ALG1L2: variants seen among roughly 807,000 people sequenced by gnomAD.
The protein encoded by ALG1L2 is ALG1 chitobiosyldiphosphodolichol beta-mannosyltransferase like 2, also known as putative glycosyltransferase ALG1L2.
ALG1L2 carries 32 observed loss-of-function variants against 29.0 expected under a neutral mutation model. The ratio of observed to expected loss-of-function variants is 1.10; its 90% CI spans 0.83 to 1.48. The LOEUF is 1.48. ALG1L2 is among the 40% of genes most tolerant of loss of function. The pLI is 0.00. For synonymous variants in ALG1L2, 110 were observed against 109.5 expected (o/e 1.00, Z -0.03); for missense variants, 318 against 274.1 (o/e 1.16, Z -1.13).
intron 1 of ALG1L2, among the ~76,000 whole-genome samples, chr3:130,089,867 CCT>C (rs1934975164): frequency 6.6e-6 from 1 of 152,280 alleles, no homozygotes; most frequent in African/African-American, 2.4e-5. Flanking sequence ...ATGGTGAAAC[CCT>C]GTCTCTACTT....
In ALG1L2 at chr3:130,096,648, G is replaced by C. The variant is rs368804737; in HGVS notation, c.539+485G>C. On this transcript the variant is annotated intron_variant, in intron 6 of 7. Transcript: ENST00000425059. Reference sequence around the variant, plus strand: ...GCCTCACTCCACCCAGCATAGACGGGTGTTTGGAAGGGTGGAGTTAGAGGA... The same window carrying C: ...GCCTCACTCCACCCAGCATAGACGGCTGTTTGGAAGGGTGGAGTTAGAGGA... Among the ~76,000 whole-genome samples, 849 of 152,272 alleles carry C rather than the reference G, an allele frequency of 5.6e-3. 3 individuals carry two copies. The highest frequency in any genetic ancestry group is 8.5e-3 in the South Asian group (41 of 4,828).
rs1934795356 is a variant in ALG1L2 at position 130,082,014 on chromosome 3, G to C, written c.-3G>C. 6.6e-7 allele frequency: 1 copy of C among 1,505,864 alleles called. No homozygotes were observed. The highest frequency in any genetic ancestry group is 1.4e-5 in the African/African-American group (1 of 72,782). 93.3% of individuals were successfully genotyped at this position (1,505,864 alleles called of 1,614,324 possible). A position where few individuals can be genotyped will look rare whatever the true frequency, so the allele number is the denominator to read the frequency against. On this transcript the variant is annotated 5_prime_UTR_variant, in exon 1 of 8. Coordinates refer to ENST00000425059, the MANE Select transcript of ALG1L2 (RefSeq NM_001136152.1). ...AGAAGTCTGAATTTTAACCTGAAGG[G>C]ACATGGGAGCTACTGCAGGCTGGTA...
At chr3:130,096,510 G>A (rs922294723) in intron 6 of ALG1L2, among the ~76,000 whole-genome samples, 18 of 151,994 alleles carry the variant, frequency 1.2e-4, no homozygotes, top group Middle Eastern at 6.9e-3. Context: ...TAGAATTGGC[G>A]GGAATTGCCT....
intron 1 of ALG1L2, among the ~76,000 whole-genome samples, chr3:130,088,707 T>C (rs1934945783): frequency 6.6e-6 from 1 of 152,396 alleles, no homozygotes. Context: ...TGTGAGTCAC[T>C]GTTCCCTGCC....
rs181019462 is a variant in ALG1L2 at position 130,091,360 on chromosome 3, G to T, written c.120G>T (p.Pro40=). The part of the protein sequence containing the change: ...LFMKLGSTHS[P]FRARSEPEDP... Reference sequence around the variant, plus strand: ...TGAAGCTGGGCAGCACGCACTCTCCGTTCAGGGCCCGGTAGGCCTCCCACC... The same window carrying T: ...TGAAGCTGGGCAGCACGCACTCTCCTTTCAGGGCCCGGTAGGCCTCCCACC... The change falls in exon 2 of 8, where the codon CCG becomes CCT. Residue 40 remains proline, a synonymous_variant. Coordinates refer to ENST00000425059, the MANE Select transcript of ALG1L2 (RefSeq NM_001136152.1). 6.3e-7 allele frequency: 1 copy of T among 1,596,964 alleles called. No homozygotes were observed.
At chr3:130,088,223 C>T (rs1405207148) in intron 1 of ALG1L2, among the ~76,000 whole-genome samples, 1 of 152,290 alleles carries the variant, frequency 6.6e-6, no homozygotes, top group South Asian at 2.1e-4. Flanking sequence ...GCCTCAGTGG[C>T]CAATATGCAT....
Position 130,081,898 on chromosome 3 carries a change from G to T in ALG1L2, c.-119G>T. On this transcript the variant is annotated 5_prime_UTR_variant, in exon 1 of 8. In the 5' UTR this introduces an upstream ATG that the reference lacks. Coordinates refer to ENST00000425059, the MANE Select transcript of ALG1L2 (RefSeq NM_001136152.1). ...CAAGTAGCAGAGACAGGTGTGCAAA[G>T]GCTCAGAGGGAGCTTCTCCAGGATC... 4 of 1,309,094 alleles carry T rather than the reference G, an allele frequency of 3.1e-6. No homozygotes were observed. The highest frequency in any genetic ancestry group is 5.0e-5 in the East Asian group (2 of 39,908). 81.1% of individuals were successfully genotyped at this position (1,309,094 alleles called of 1,614,324 possible).
intron 1 of ALG1L2, among the ~76,000 whole-genome samples, chr3:130,083,962 T>C (rs1269304167): frequency 6.6e-6 from 1 of 151,430 alleles, no homozygotes; most frequent in Non-Finnish European, 1.5e-5. Flanking sequence ...GGTGGTACTG[T>C]TGGCTGGGAA....
intron 1 of ALG1L2, chr3:130,089,337 C>T (rs1261580662): frequency 1.3e-5 from 2 of 152,360 alleles, no homozygotes; most frequent in Non-Finnish European, 2.9e-5. Flanking sequence ...CAGGTGCCCC[C>T]CTCTGCCCTG....
rs1386590345 is a variant in ALG1L2 at position 130,091,378 on chromosome 3, C to A, written c.131+7C>A. The A allele has an allele frequency of 4.4e-6, 7 of 1,595,776 alleles. No individual in the cohort carries two copies. Among genetic ancestry groups the A allele is most frequent in the African/African-American group, 2.7e-5 (2 of 74,822 alleles). The stretch of plus-strand genomic sequence containing the variant: ...ACTCTCCGTTCAGGGCCCGGTAGGC[C>A]TCCCACCCTCAGCTGCCTTCTCTCC... On this transcript the variant is annotated splice_region_variant and intron_variant, in intron 2 of 7. Coordinates refer to ENST00000425059, the MANE Select transcript of ALG1L2 (RefSeq NM_001136152.1).
intron 5 of ALG1L2, among the ~76,000 whole-genome samples, chr3:130,094,951 G>T (rs1022536264): frequency 2.0e-5 from 3 of 152,178 alleles, no homozygotes; most frequent in East Asian, 3.9e-4. Context: ...GTCGTGGCTT[G>T]TTCCTGATGC....
At chr3:130,087,524 G>C (rs1357145232) in intron 1 of ALG1L2, among the ~76,000 whole-genome samples, 4 of 149,326 alleles carry the variant, frequency 2.7e-5, no homozygotes, top group Non-Finnish European at 6.0e-5. Flanking sequence ...ATTGTAGCAG[G>C]GTTAGTTTCC....
At chr3:130,082,433 A>G (rs370045644) in intron 1 of ALG1L2, among the ~76,000 whole-genome samples, 14,102 of 57,412 alleles carry the variant, frequency 0.25, 256 homozygotes, top group Middle Eastern at 0.43. Flanking sequence ...CACCTCCCAG[A>G]CTCAAGTGAT....
chr3:130,095,845 G>A (rs9812980), intron 5 of ALG1L2, among the ~76,000 whole-genome samples: 93,357 of 152,028 alleles, frequency 0.61, 29,484 homozygotes, highest in Middle Eastern at 0.76. Context: ...TTGTGGTTAC[G>A]TAGAAAAAGT....
rs542981371 is a variant in ALG1L2 at position 130,084,283 on chromosome 3, C to A, written c.20+2247C>A. Reference sequence around the variant, plus strand: ...GATCAGTCTGCACAACATAGCGAGACCCCATTTCCCCCCCTCAAAAAAAAT... The same window carrying A: ...GATCAGTCTGCACAACATAGCGAGAACCCATTTCCCCCCCTCAAAAAAAAT... On this transcript the variant is annotated intron_variant, in intron 1 of 7. Transcript: ENST00000425059. Among the ~76,000 whole-genome samples the A allele has an allele frequency of 5.7e-4, 79 of 138,404 alleles. 1 individual carries two copies. The highest frequency in any genetic ancestry group is 1.8e-3 in the African/African-American group (74 of 40,030). The allele number at this position is 138,404 out of a possible 152,430, so 90.8% of individuals were successfully genotyped here. A position where few individuals can be genotyped will look rare whatever the true frequency, so the allele number is the denominator to read the frequency against.
chr3:130,086,050 C>T (rs369499966), intron 1 of ALG1L2, among the ~76,000 whole-genome samples: 1 of 151,544 alleles, frequency 6.6e-6, no homozygotes, highest in African/African-American at 2.4e-5. Flanking sequence ...CACGGGCCAC[C>T]AGGAGGCCTG....
intron 7 of ALG1L2, 28 bp downstream of exon 7, chr3:130,097,278 TG>T (rs1425033901): frequency 6.2e-7 from 1 of 1,602,142 alleles, no homozygotes; most frequent in Non-Finnish European, 8.5e-7. Context: ...CACGCCAGGG[TG>T]GACAGGGTTC....
intron 1 of ALG1L2, among the ~76,000 whole-genome samples, chr3:130,087,122 T>C (rs1934906012): frequency 6.7e-6 from 1 of 148,176 alleles, no homozygotes. Flanking sequence ...TTCTGCAATA[T>C]AATGAAATGA....
At chr3:130,087,289 A>G (rs150576051) in intron 1 of ALG1L2, among the ~76,000 whole-genome samples, 260 of 150,468 alleles carry the variant, frequency 1.7e-3, no homozygotes, top group African/African-American at 6.0e-3. Flanking sequence ...AAGAAACATC[A>G]GCCAAATCCA....
Sources: gnomAD v4.1 joint callset for allele counts (sites outside exome capture counted in the v4.1 genomes callset) on GRCh38, gnomAD v4.1.1 for gene constraint, MANE v1.5 for transcripts, NCBI Gene and HGNC (gene_info 2026-07-23, HGNC 2026-07-21) for gene names.